The following ZFHX3 variants were observed in gnomAD, a reference collection of about 807,000 sequenced individuals.
ZFHX3 encodes zinc finger homeobox protein 3.
Under a neutral mutation model 279.1 loss-of-function variants are expected in ZFHX3, and 42 were observed. That is an observed-to-expected ratio of 0.15 (90% CI 0.12 to 0.19). ZFHX3 has a LOEUF of 0.19. ZFHX3 is among the 10% of genes least tolerant of loss of function. The pLI is 1.00. For missense variants in ZFHX3, 4,981 were observed against 4,754.0 expected, an observed-to-expected ratio of 1.05 and a Z score of -1.40; for synonymous variants, 2,293 against 1,957.8, an observed-to-expected ratio of 1.17 and a Z score of -4.52.
At position 73,789,204 on chromosome 16, in the gene ZFHX3, G is replaced by A. The variant is rs551944146; in HGVS notation, c.-1608+102447C>T. Among the ~76,000 whole-genome samples, 21 of 150,704 alleles carry A rather than the reference G, an allele frequency of 1.4e-4. No individual in the cohort carries two copies. In the South Asian group the frequency reaches 4.2e-3, roughly 30 times the overall value. The stretch of plus-strand genomic sequence containing the variant: ...TTTTATTATTTATTTTTTTTGAGAT[G>A]GAGTCTCACTCTGTCACCCAGGCTG... On this transcript the variant is annotated intron_variant, in intron 1 of 17. Coordinates refer to the ZFHX3 transcript ENST00000641206.
At chr16:73,027,772 A>G (rs1293205670) in intron 1 of ZFHX3, among the ~76,000 whole-genome samples, 1 of 152,178 alleles carries the variant, frequency 6.6e-6, no homozygotes, top group Non-Finnish European at 1.5e-5. Flanking sequence ...CTGTGCAGAA[A>G]GCAGGTTCCC....
At chr16:73,756,206 G>A (rs1041274293) in intron 1 of ZFHX3, among the ~76,000 whole-genome samples, 8 of 152,156 alleles carry the variant, frequency 5.3e-5, no homozygotes, top group African/African-American at 1.7e-4. Context: ...ACTGCACATG[G>A]TCTCACTCTC....
At chr16:73,173,008 G>GTTTTTTTTTTTTTTTTTTTTTTT (rs869289153) in intron 5 of ZFHX3, among the ~76,000 whole-genome samples, 3 of 49,942 alleles carry the variant, frequency 6.0e-5, no homozygotes, top group Non-Finnish European at 9.6e-5. Context: ...TTTTTTTTTT[G>GTTTTTTTTTTTTTTTTTTTTTTT]TTTTTTTTTT....
chr16:72,950,204 A>C (rs986521958), intron 3 of ZFHX3, among the ~76,000 whole-genome samples: 1 of 152,094 alleles, frequency 6.6e-6, no homozygotes, highest in African/African-American at 2.4e-5. Context: ...CCAACCCTAG[A>C]GGCGCTGTCA....
intron 6 of ZFHX3, among the ~76,000 whole-genome samples, chr16:73,138,735 T>C (rs1390336145): frequency 3.3e-5 from 5 of 152,136 alleles, no homozygotes; most frequent in African/African-American, 1.2e-4. Flanking sequence ...TCACCCAGGC[T>C]GGAGTGCAGT....
At chr16:73,210,972 C>G (rs2011995829) in intron 5 of ZFHX3, among the ~76,000 whole-genome samples, 1 of 152,036 alleles carries the variant, frequency 6.6e-6, no homozygotes, top group Non-Finnish European at 1.5e-5. Context: ...CTCAACTTTC[C>G]CATTAAGACT....
At chr16:72,938,773 G>C (rs1192885489) in intron 3 of ZFHX3, among the ~76,000 whole-genome samples, 1 of 152,210 alleles carries the variant, frequency 6.6e-6, no homozygotes, top group Non-Finnish European at 1.5e-5. Context: ...ACGGGACAGA[G>C]GTCAGAGCTC....
At chr16:73,505,149 C>G (rs890194317) in intron 2 of ZFHX3, among the ~76,000 whole-genome samples, 1 of 152,060 alleles carries the variant, frequency 6.6e-6, no homozygotes, top group Non-Finnish European at 1.5e-5. Flanking sequence ...GGTTACCGGA[C>G]AGCGGAAAAT....
chr16:72,950,974 A>T lies in ZFHX3; in HGVS notation c.2720-9T>A. 6.2e-7 allele frequency: 1 copy of T among 1,603,664 alleles called. No homozygotes were observed. Among genetic ancestry groups the T allele is most frequent in the Non-Finnish European group, 8.5e-7 (1 of 1,172,628 alleles). On this transcript the variant is annotated splice_polypyrimidine_tract_variant and intron_variant, in intron 2 of 9. Coordinates refer to ENST00000268489, the MANE Select transcript of ZFHX3 (RefSeq NM_006885.4). ...GGGGATCTCACCGCCCACTGCAGGG[A>T]AGGAGAGAAGGAGAGAGTCAGACAC...
At chr16:72,938,517 G>A (rs1960240712) in intron 3 of ZFHX3, among the ~76,000 whole-genome samples, 2 of 152,256 alleles carry the variant, frequency 1.3e-5, no homozygotes, top group Admixed American at 6.5e-5. Flanking sequence ...GGAGGCAGCG[G>A]GAAGGGAGAG....
intron 5 of ZFHX3, among the ~76,000 whole-genome samples, chr16:73,185,880 C>T (rs976823513): frequency 2.0e-5 from 3 of 152,154 alleles, no homozygotes; most frequent in South Asian, 2.1e-4. Flanking sequence ...GTAAGTGGTG[C>T]GCACGCAAGT....
chr16:73,874,221 G>A (rs2029886177), intron 1 of ZFHX3, among the ~76,000 whole-genome samples: 1 of 152,098 alleles, frequency 6.6e-6, no homozygotes, highest in Admixed American at 6.5e-5. Flanking sequence ...CATACTGTGT[G>A]CATATTTAGG....
At chr16:73,454,664 C>T (rs116051130) in intron 3 of ZFHX3, among the ~76,000 whole-genome samples, 96 of 151,928 alleles carry the variant, frequency 6.3e-4, no homozygotes, top group African/African-American at 2.0e-3. Flanking sequence ...ACAATTACTG[C>T]TTCCTTTTCC....
chr16:72,951,223 T>C (rs1960981087), intron 2 of ZFHX3, among the ~76,000 whole-genome samples: 2 of 152,150 alleles, frequency 1.3e-5, no homozygotes, highest in Admixed American at 6.5e-5. Flanking sequence ...AAAGAACACC[T>C]AGAAAAGTTA....
At chr16:73,188,741 G>A (rs752342498) in intron 5 of ZFHX3, among the ~76,000 whole-genome samples, 1 of 152,148 alleles carries the variant, frequency 6.6e-6, no homozygotes, top group Non-Finnish European at 1.5e-5. Flanking sequence ...AAACCTGAGA[G>A]AGAAAATGTT....
intron 1 of ZFHX3, among the ~76,000 whole-genome samples, chr16:73,849,601 G>A (rs751302943): frequency 1.4e-4 from 21 of 152,122 alleles, no homozygotes; most frequent in Non-Finnish European, 2.4e-4. Context: ...TGTTGATCAC[G>A]GTTATTCAAC....
chr16:73,759,542 G>A (rs1454304384), intron 1 of ZFHX3, among the ~76,000 whole-genome samples: 1 of 152,172 alleles, frequency 6.6e-6, no homozygotes, highest in African/African-American at 2.4e-5. Flanking sequence ...CTGGCTTTAG[G>A]AATTACAGAG....
chr16:73,184,125 G>T (rs939911142), intron 5 of ZFHX3, among the ~76,000 whole-genome samples: 1 of 152,014 alleles, frequency 6.6e-6, no homozygotes, highest in African/African-American at 2.4e-5. Flanking sequence ...GGCTCTTTCG[G>T]GTTGTGACCA....
At chr16:73,058,291 G>A (rs1965610564) in intron 1 of ZFHX3, among the ~76,000 whole-genome samples, 1 of 145,662 alleles carries the variant, frequency 6.9e-6, no homozygotes, top group African/African-American at 2.5e-5. Flanking sequence ...AGAAGAGAAA[G>A]AGAAAGTTTG....
Sources: gnomAD v4.1 joint callset for allele counts (sites outside exome capture counted in the v4.1 genomes callset) on GRCh38, gnomAD v4.1.1 for gene constraint, MANE v1.5 for transcripts, NCBI Gene and HGNC (gene_info 2026-07-23, HGNC 2026-07-21) for gene names.